Variants in GMEB1 observed in about 807,000 individuals in gnomAD.
The protein encoded by GMEB1 is glucocorticoid modulatory element binding protein 1, also known as glucocorticoid modulatory element-binding protein 1.
GMEB1 carries 6 observed loss-of-function variants against 52.4 expected under a neutral mutation model. The observed-to-expected ratio is 0.11, with a 90% CI of 0.06 to 0.23. The LOEUF (loss-of-function observed/expected upper bound fraction) is 0.23. GMEB1 is among the 10% of genes least tolerant of loss of function. The probability of loss-of-function intolerance (pLI) is 1.00; values close to 1 mark genes in which losing one functional copy is unlikely to be tolerated. For synonymous variants in GMEB1, 255 were observed against 244.9 expected (o/e 1.04, Z -0.38); for missense variants, 486 against 685.6 (o/e 0.71, Z 3.25).
At chr1:28,697,762 T>C (rs887379924) in intron 6 of GMEB1, among the ~76,000 whole-genome samples, 2 of 152,176 alleles carry the variant, frequency 1.3e-5, no homozygotes, top group African/African-American at 2.4e-5. Context: ...ATTAGGCTGT[T>C]TTGAAAAATG....
At chr1:28,708,618 C>T (rs1022118695) in intron 8 of GMEB1, among the ~76,000 whole-genome samples, 1 of 151,960 alleles carries the variant, frequency 6.6e-6, no homozygotes, top group East Asian at 1.9e-4. Flanking sequence ...TGCACCACCA[C>T]GCCTGGCCAA....
chr1:28,694,821 G>A (rs970119047), intron 5 of GMEB1, among the ~76,000 whole-genome samples: 3 of 151,628 alleles, frequency 2.0e-5, no homozygotes, highest in Middle Eastern at 3.4e-3. Context: ...ACGCCACCTC[G>A]ACTGGCTAAT....
At chr1:28,697,847 G>A (rs1670297501) in intron 6 of GMEB1, among the ~76,000 whole-genome samples, 1 of 152,022 alleles carries the variant, frequency 6.6e-6, no homozygotes, top group South Asian at 2.1e-4. Context: ...AGATCATGAA[G>A]TCAAGAGATC....
In GMEB1 at chr1:28,673,319, C is replaced by G. The variant is rs201727755; in HGVS notation, c.-31+4480C>G. On this transcript the variant is annotated intron_variant, in intron 1 of 9. Transcript: ENST00000373816. The stretch of plus-strand genomic sequence containing the variant: ...AGGCTGGAGTGCAGTGGCTGTGGCG[C>G]GTTCTTGTCTCACTGTAACCTCCGC... Among the ~76,000 whole-genome samples, 11 of 152,130 alleles carry G rather than the reference C, an allele frequency of 7.2e-5. 1 individual carries two copies. The East Asian group carries it at 2.1e-3, about 29-fold the overall frequency.
chr1:28,694,022 A>C (rs1670085105), intron 5 of GMEB1, among the ~76,000 whole-genome samples: 1 of 152,096 alleles, frequency 6.6e-6, no homozygotes, highest in Admixed American at 6.6e-5. Flanking sequence ...TGCAGTCATT[A>C]AAATATTTCT....
chr1:28,714,059 CT>C lies in GMEB1; in HGVS notation c.992-7del, dbSNP rs1469905179. 2 of 1,589,908 alleles carry C rather than the reference CT, an allele frequency of 1.3e-6. No individual in the cohort carries two copies. The highest frequency in any genetic ancestry group is 1.7e-6 in the Non-Finnish European group (2 of 1,163,384). ...TACTTCCCTCTACACAAAGTCTTTT[CT>C]TTTTTTCCATAGACTTGGAACGCCA... On this transcript the variant is annotated splice_polypyrimidine_tract_variant and intron_variant, in intron 9 of 9. Transcript: ENST00000373816.
At chr1:28,713,321 G>A (rs747986317) in intron 9 of GMEB1, among the ~76,000 whole-genome samples, 1 of 152,118 alleles carries the variant, frequency 6.6e-6, no homozygotes, top group Non-Finnish European at 1.5e-5. Context: ...TCTTTCTTGG[G>A]TGCTTATCAG....
chr1:28,706,944 G>A (rs1670803808), intron 8 of GMEB1, among the ~76,000 whole-genome samples: 1 of 150,370 alleles, frequency 6.7e-6, no homozygotes, highest in South Asian at 2.1e-4. Context: ...TGGGATTACA[G>A]GCGTGAGCCA....
intron 1 of GMEB1, among the ~76,000 whole-genome samples, chr1:28,674,776 TG>T (rs1198977755): frequency 8.3e-6 from 1 of 121,082 alleles, no homozygotes; most frequent in Non-Finnish European, 1.6e-5. Context: ...TGGAGTGCAG[TG>T]GCGGGATCTT....
chr1:28,682,877 A>G (rs1434718032), intron 1 of GMEB1, among the ~76,000 whole-genome samples: 3 of 152,162 alleles, frequency 2.0e-5, no homozygotes, highest in Non-Finnish European at 4.4e-5. Context: ...CTCTCTGGAA[A>G]AACAAAATAC....
At position 28,676,546 on chromosome 1, in the gene GMEB1, T is replaced by G. The variant is rs144185193; in HGVS notation, c.-30-7037T>G. Among the ~76,000 whole-genome samples, 520 of 152,070 alleles carry G rather than the reference T, an allele frequency of 3.4e-3. 1 individual carries two copies. The highest frequency in any genetic ancestry group is 0.012 in the African/African-American group (491 of 41,468). The stretch of plus-strand genomic sequence containing the variant: ...ATCGAGACCATCCTGACTAACACGG[T>G]GAAACCCTGTCTCTACTAAAAATAC... On this transcript the variant is annotated intron_variant, in intron 1 of 9. Transcript: ENST00000373816.
intron 2 of GMEB1, chr1:28,689,652 G>T (rs1669863106): frequency 6.6e-6 from 1 of 152,504 alleles, no homozygotes; most frequent in East Asian, 1.9e-4. Flanking sequence ...TAAATAAAAA[G>T]TTATGAAAGG....
Position 28,704,390 on chromosome 1 carries a change from T to C in GMEB1, c.868+61T>C, listed in dbSNP as rs905083606. On this transcript the variant is annotated intron_variant, in intron 8 of 9. Coordinates refer to ENST00000373816, the MANE Select transcript of GMEB1 (RefSeq NM_001319674.2). ...TTGAATACTCACCTCCGTAGGCAGG[T>C]CCTGTAAGCCTTGCAAAAACCCTGA... The C allele has an allele frequency of 6.3e-6, 9 of 1,433,340 alleles. No individual in the cohort carries two copies. In the African/African-American group the frequency reaches 1.3e-4, roughly 21 times the overall value. 88.8% of individuals were successfully genotyped at this position (1,433,340 alleles called of 1,614,324 possible).
chr1:28,710,754 TTTTGCTTTTAAAAATAAAAAAA>T, intron 9 of GMEB1, 112 bp downstream of exon 9: 1 of 673,428 alleles, frequency 1.5e-6, no homozygotes, highest in Non-Finnish European at 2.2e-6. Context: ...TAGTATCAGA[TTTTGCTTTTAAAAATAAAAAAA>T]AAAGCCGCAG....
intron 6 of GMEB1, among the ~76,000 whole-genome samples, chr1:28,699,523 G>A (rs1488394067): frequency 2.6e-5 from 4 of 151,918 alleles, no homozygotes; most frequent in East Asian, 3.9e-4. Context: ...TCCCCCTCCC[G>A]GGTTCAAGCA....
At chr1:28,682,555 G>C (rs1159126322) in intron 1 of GMEB1, among the ~76,000 whole-genome samples, 1 of 148,060 alleles carries the variant, frequency 6.8e-6, no homozygotes, top group African/African-American at 2.5e-5. Flanking sequence ...TTGGGAGGCA[G>C]ATGTTGCAGT....
Position 28,714,394 on chromosome 1 carries a change from AT to A in GMEB1, c.1314del (p.Tyr438Ter). On this transcript the variant is annotated frameshift_variant, in exon 10 of 10. Transcript: ENST00000373816. LOFTEE classifies it high-confidence loss of function. ...TLPSGPQLFR[Y>X]ATVVSSAKSS... ...CCTTCTGGCCCTCAGCTCTTCCGCT[AT>A]GCCACAGTGGTCTCCTCTGCCAAGA... 1 of 1,614,186 alleles carries A rather than the reference AT, an allele frequency of 6.2e-7. No homozygotes were observed. Among genetic ancestry groups the A allele is most frequent in the Non-Finnish European group, 8.5e-7 (1 of 1,180,030 alleles).
intron 8 of GMEB1, among the ~76,000 whole-genome samples, chr1:28,708,294 A>G (rs993812254): frequency 2.0e-5 from 3 of 151,280 alleles, no homozygotes; most frequent in Non-Finnish European, 4.4e-5. Context: ...CCTCCCGAGT[A>G]GCTGGTACTA....
Position 28,710,505 on chromosome 1 carries a change from T to G in GMEB1, c.869-15T>G. On this transcript the variant is annotated splice_polypyrimidine_tract_variant and intron_variant, in intron 8 of 9. Transcript: ENST00000373816. ...TCTGTTTTAACTGGACAGGCATGTC[T>G]TTTGTTTTAAATAGATGCTGCTGTT... The G allele has an allele frequency of 3.1e-6, 5 of 1,589,106 alleles. No homozygotes were observed. The highest frequency in any genetic ancestry group is 4.3e-6 in the Non-Finnish European group (5 of 1,169,590).
Sources: allele counts gnomAD v4.1 joint callset (sites outside exome capture counted in the v4.1 genomes callset), GRCh38; gene constraint gnomAD v4.1.1; transcripts MANE v1.5; gene names NCBI Gene and HGNC (gene_info 2026-07-23, HGNC 2026-07-21).